MIPOL1: variants seen among roughly 807,000 people sequenced by gnomAD.
MIPOL1 encodes mirror-image polydactyly 1, also known as mirror-image polydactyly gene 1 protein.
MIPOL1 carries 57 observed loss-of-function variants against 60.9 expected under a neutral mutation model. The observed-to-expected ratio is 0.94, with a 90% confidence interval of 0.76 to 1.17. The LOEUF is 1.17. Ranked by LOEUF, MIPOL1 falls within the 50% of genes most tolerant of loss-of-function variation. The pLI is 0.00. For missense variants in MIPOL1, 551 were observed against 511.6 expected (o/e 1.08, Z -0.74); for synonymous variants, 179 against 168.8 (o/e 1.06, Z -0.47).
intron 9 of MIPOL1, among the ~76,000 whole-genome samples, chr14:37,363,723 A>C (rs758522378): frequency 6.6e-5 from 10 of 152,210 alleles, no homozygotes; most frequent in African/African-American, 2.4e-4. Flanking sequence ...TTGTTCAACT[A>C]TGCCCTGCCC....
intron 12 of MIPOL1, among the ~76,000 whole-genome samples, chr14:37,525,080 G>A (rs1440058577): frequency 6.6e-6 from 1 of 152,172 alleles, no homozygotes; most frequent in Non-Finnish European, 1.5e-5. Flanking sequence ...CCTACCTTGA[G>A]TTATTTGAAG....
chr14:37,350,367 G>C lies in MIPOL1; in HGVS notation c.829-19150G>C, dbSNP rs533626626. 1.3e-4 allele frequency among the ~76,000 whole-genome samples: 20 copies of C among 152,188 alleles called. No individual in the cohort carries two copies. In the South Asian group the frequency reaches 3.9e-3, roughly 30 times the overall value. On this transcript the variant is annotated intron_variant, in intron 9 of 12. Coordinates refer to ENST00000684589, the MANE Select transcript of MIPOL1 (RefSeq NM_001388067.1). The stretch of plus-strand genomic sequence containing the variant: ...GCTGGGGTTACAGGCATGTGCCACT[G>C]TGCCCAGCCCATTCTGCTTTTTCTT...
intron 12 of MIPOL1, among the ~76,000 whole-genome samples, chr14:37,524,571 T>C (rs1050317250): frequency 8.9e-6 from 1 of 111,950 alleles, no homozygotes; most frequent in African/African-American, 3.2e-5. Context: ...TTTTCTTTTC[T>C]TTTTTTTTTT....
intron 1 of MIPOL1, among the ~76,000 whole-genome samples, chr14:37,220,414 A>G (rs1394169557): frequency 6.6e-6 from 1 of 152,196 alleles, no homozygotes; most frequent in African/African-American, 2.4e-5. Flanking sequence ...GTACTTTAAT[A>G]CTTTTATTAT....
At position 37,338,108 on chromosome 14, in the gene MIPOL1, A is replaced by ATTT. The variant is rs61425558; in HGVS notation, c.828+29603_828+29605dup. On this transcript the variant is annotated intron_variant, in intron 9 of 12. Transcript: ENST00000684589. The stretch of plus-strand genomic sequence containing the variant: ...AGTGGCTTTATTTTTATTTAATTTA[A>ATTT]TTTTTTTTTTTTTTTTGAGACGGAG... Among the ~76,000 whole-genome samples the ATTT allele has an allele frequency of 1.9e-4, 25 of 134,846 alleles. 1 individual carries two copies. Among genetic ancestry groups the ATTT allele is most frequent in the Non-Finnish European group, 2.8e-4 (18 of 64,702 alleles). 88.5% of individuals were successfully genotyped at this position (134,846 alleles called of 152,430 possible). A position where few individuals can be genotyped will look rare whatever the true frequency, so the allele number is the denominator to read the frequency against.
chr14:37,369,229 G>A (rs1389910073), intron 9 of MIPOL1, among the ~76,000 whole-genome samples: 1 of 151,952 alleles, frequency 6.6e-6, no homozygotes, highest in Non-Finnish European at 1.5e-5. Context: ...GGTCAAAGAA[G>A]TAAATAATTT....
intron 9 of MIPOL1, among the ~76,000 whole-genome samples, chr14:37,344,427 A>G (rs1197174349): frequency 2.6e-5 from 4 of 151,424 alleles, no homozygotes; most frequent in African/African-American, 7.3e-5. Context: ...TTTTCCGTAT[A>G]TATACTTTTT....
At chr14:37,506,007 A>T (rs367954546) in intron 12 of MIPOL1, 8 of 152,136 alleles carry the variant, frequency 5.3e-5, no homozygotes, top group Admixed American at 5.2e-4. Context: ...CACAATTGCT[A>T]CAAAGAGAAT....
chr14:37,350,111 G>A (rs569167544), intron 9 of MIPOL1, among the ~76,000 whole-genome samples: 8 of 152,040 alleles, frequency 5.3e-5, no homozygotes, highest in Non-Finnish European at 7.3e-5. Context: ...TCACTCTGTC[G>A]ACTAAGCTGG....
Position 37,521,893 on chromosome 14 carries a change from A to AT in MIPOL1, c.1262+21755_1262+21756insT, listed in dbSNP as rs1555367650. ...CCAAGACTTTATCTAAAGAAAAAAAAATATATATATATATATATTTTTTTT... is the reference window on the plus strand; with the variant it reads ...CCAAGACTTTATCTAAAGAAAAAAAATATATATATATATATATATTTTTTTT... On this transcript the variant is annotated intron_variant, in intron 12 of 12. Coordinates refer to ENST00000684589, the MANE Select transcript of MIPOL1 (RefSeq NM_001388067.1). 1.6e-3 allele frequency among the ~76,000 whole-genome samples: 194 copies of AT among 123,552 alleles called. 2 individuals are homozygous for AT. The highest frequency in any genetic ancestry group is 5.3e-3 in the African/African-American group (173 of 32,668). The allele number at this position is 123,552 out of a possible 152,430, so 81.1% of individuals were successfully genotyped here.
At chr14:37,350,073 T>C (rs926651991) in intron 9 of MIPOL1, among the ~76,000 whole-genome samples, 14 of 152,214 alleles carry the variant, frequency 9.2e-5, no homozygotes, top group Non-Finnish European at 1.8e-4. Flanking sequence ...CTTTCTGTAT[T>C]CTTTTTCCTC....
intron 9 of MIPOL1, among the ~76,000 whole-genome samples, chr14:37,317,430 A>G (rs982644794): frequency 1.2e-4 from 19 of 152,184 alleles, no homozygotes; most frequent in Non-Finnish European, 2.2e-4. Flanking sequence ...CAGTATTCCA[A>G]TCTCGAGTGT....
At chr14:37,436,036 GGA>G (rs2094158640) in intron 11 of MIPOL1, among the ~76,000 whole-genome samples, 1 of 151,974 alleles carries the variant, frequency 6.6e-6, no homozygotes, top group Admixed American at 6.6e-5. Context: ...CCTGTGTTAT[GGA>G]AAATATACAT....
chr14:37,460,258 A>G (rs1187405410), intron 11 of MIPOL1, among the ~76,000 whole-genome samples: 1 of 152,220 alleles, frequency 6.6e-6, no homozygotes, highest in East Asian at 1.9e-4. Flanking sequence ...AATTAAAGAC[A>G]AAAACCTTAT....
intron 11 of MIPOL1, among the ~76,000 whole-genome samples, chr14:37,437,202 A>G (rs1001346911): frequency 6.6e-6 from 1 of 152,158 alleles, no homozygotes; most frequent in Non-Finnish European, 1.5e-5. Context: ...AATATCTTCT[A>G]AAACTTCCTG....
intron 11 of MIPOL1, among the ~76,000 whole-genome samples, chr14:37,447,144 A>C (rs935907245): frequency 6.6e-6 from 1 of 152,062 alleles, no homozygotes; most frequent in Non-Finnish European, 1.5e-5. Flanking sequence ...ATCTTCAACA[A>C]TGAAGACATG....
At chr14:37,207,653 C>T (rs1464416894) in intron 1 of MIPOL1, among the ~76,000 whole-genome samples, 1 of 152,100 alleles carries the variant, frequency 6.6e-6, no homozygotes, top group East Asian at 1.9e-4. Flanking sequence ...TCATGCGATT[C>T]TTGTGCTTCA....
At chr14:37,368,269 C>G (rs1048807662) in intron 9 of MIPOL1, among the ~76,000 whole-genome samples, 4 of 151,972 alleles carry the variant, frequency 2.6e-5, no homozygotes, top group African/African-American at 9.7e-5. Flanking sequence ...TGTGTATACT[C>G]AATTTCATAT....
At chr14:37,327,327 G>T (rs1374500312) in intron 9 of MIPOL1, among the ~76,000 whole-genome samples, 1 of 151,172 alleles carries the variant, frequency 6.6e-6, no homozygotes, top group Non-Finnish European at 1.5e-5. Flanking sequence ...TCGCTCTGTT[G>T]CCCAGGCTTG....
Sources: allele counts gnomAD v4.1 joint callset (sites outside exome capture counted in the v4.1 genomes callset), GRCh38; gene constraint gnomAD v4.1.1; transcripts MANE v1.5; gene names NCBI Gene and HGNC (gene_info 2026-07-23, HGNC 2026-07-21).